The following CMTM8 variants were observed in gnomAD, a reference collection of about 807,000 sequenced individuals.
CMTM8 encodes the protein CKLF like MARVEL transmembrane domain containing 8.
CMTM8 carries 12 observed loss-of-function variants against 18.6 expected under a neutral mutation model. That is an observed-to-expected ratio of 0.65 (90% CI 0.41 to 1.05). The LOEUF is 1.05. Ranked by LOEUF, CMTM8 falls within the 50% of genes least tolerant of loss-of-function variation. The probability of loss-of-function intolerance (pLI) is 0.00; values close to 1 mark genes in which losing one functional copy is unlikely to be tolerated. For synonymous variants in CMTM8, 87 were observed against 90.6 expected (o/e 0.96, Z 0.23); for missense variants, 217 against 227.2 (o/e 0.95, Z 0.29).
Position 32,324,658 on chromosome 3 carries a change from C to T in CMTM8, c.148-32715C>T, listed in dbSNP as rs114325415. On this transcript the variant is annotated intron_variant, in intron 1 of 3. Transcript: ENST00000307526. The stretch of plus-strand genomic sequence containing the variant: ...CAAAGATGGCAGGGCCTTTTGGCAG[C>T]ATCTTACCCAGGAAGGAGCTCAGTG... Among the ~76,000 whole-genome samples, 503 of 152,300 alleles carry T rather than the reference C, an allele frequency of 3.3e-3. 1 individual carries two copies. The highest frequency in any genetic ancestry group is 0.011 in the African/African-American group (473 of 41,558).
chr3:32,304,578 C>G (rs1307236300), intron 1 of CMTM8, among the ~76,000 whole-genome samples: 4 of 152,322 alleles, frequency 2.6e-5, no homozygotes, highest in African/African-American at 9.6e-5. Context: ...TTACTTCTGT[C>G]TCTCCATAGA....
chr3:32,258,557 TG>T (rs1476745051), intron 1 of CMTM8, among the ~76,000 whole-genome samples: 3 of 152,204 alleles, frequency 2.0e-5, no homozygotes, highest in Non-Finnish European at 4.4e-5. Context: ...TCACCCAGGC[TG>T]GAGTGCAGTG....
intron 1 of CMTM8, among the ~76,000 whole-genome samples, chr3:32,254,192 C>G (rs910618014): frequency 6.6e-6 from 1 of 152,182 alleles, no homozygotes; most frequent in African/African-American, 2.4e-5. Flanking sequence ...CTGCACCCGG[C>G]CTTGTCCCTT....
At chr3:32,367,151 C>T (rs1050067642) in intron 2 of CMTM8, among the ~76,000 whole-genome samples, 2 of 152,188 alleles carry the variant, frequency 1.3e-5, no homozygotes, top group African/African-American at 4.8e-5. Context: ...CTGGTTTCAC[C>T]TCACCCCTGC....
chr3:32,358,071 T>A lies in CMTM8; in HGVS notation c.321+525T>A, dbSNP rs1017072973. Among the ~76,000 whole-genome samples, 7 of 152,210 alleles carry A rather than the reference T, an allele frequency of 4.6e-5. No individual in the cohort carries two copies. The highest frequency in any genetic ancestry group is 1.0e-4 in the Non-Finnish European group (7 of 68,034). On this transcript the variant is annotated intron_variant, in intron 2 of 3. Transcript: ENST00000307526. The surrounding 1 kb of genome is among the most constrained non-coding windows in gnomAD (Gnocchi z 4.1). ...GAAAAGGAGAATTGTCAGGAATGAC[T>A]GGATTCTCATCCTGGCTCTGGCACC...
At chr3:32,320,084 C>T (rs996881295) in intron 1 of CMTM8, among the ~76,000 whole-genome samples, 4 of 152,230 alleles carry the variant, frequency 2.6e-5, no homozygotes, top group African/African-American at 9.6e-5. Flanking sequence ...CTGGGCCACT[C>T]CCTCAGCTCC....
At chr3:32,266,145 C>G (rs199876100) in intron 1 of CMTM8, among the ~76,000 whole-genome samples, 4 of 151,904 alleles carry the variant, frequency 2.6e-5, no homozygotes, top group Non-Finnish European at 5.9e-5. Flanking sequence ...GGCAGAGACA[C>G]AACAAAAAAA....
intron 1 of CMTM8, among the ~76,000 whole-genome samples, chr3:32,314,293 G>T (rs1020904538): frequency 6.6e-6 from 1 of 152,132 alleles, no homozygotes; most frequent in African/African-American, 2.4e-5. Context: ...CAGGGCTGCA[G>T]GGGCTGGTTG....
intron 1 of CMTM8, among the ~76,000 whole-genome samples, chr3:32,252,482 C>T (rs1234705681): frequency 2.0e-5 from 3 of 152,130 alleles, no homozygotes; most frequent in Non-Finnish European, 2.9e-5. Flanking sequence ...TTTCTGATGC[C>T]AAATCTTACC....
intron 3 of CMTM8, 59 bp downstream of exon 3, chr3:32,368,047 A>T: frequency 8.3e-7 from 1 of 1,199,912 alleles, no homozygotes; most frequent in Non-Finnish European, 1.2e-6. Flanking sequence ...CTTGCTTGGG[A>T]TTGGGGAAGA....
At chr3:32,311,540 T>C (rs1695819141) in intron 1 of CMTM8, among the ~76,000 whole-genome samples, 1 of 152,220 alleles carries the variant, frequency 6.6e-6, no homozygotes, top group South Asian at 2.1e-4. Context: ...CCCTTGTGAC[T>C]ATATCAGGCT....
chr3:32,301,719 C>G (rs1695622051), intron 1 of CMTM8, among the ~76,000 whole-genome samples: 1 of 148,236 alleles, frequency 6.7e-6, no homozygotes, highest in South Asian at 2.1e-4. Context: ...CAGTTCTTAT[C>G]ATTGATATGA....
chr3:32,288,787 A>G (rs183753523), intron 1 of CMTM8, among the ~76,000 whole-genome samples: 683 of 152,352 alleles, frequency 4.5e-3, no homozygotes, highest in Non-Finnish European at 6.3e-3. Context: ...GGCGTGAGCC[A>G]CTATATCTGG....
Position 32,368,157 on chromosome 3 carries a change from C to T in CMTM8, c.438+169C>T, listed in dbSNP as rs181975446. On this transcript the variant is annotated intron_variant, in intron 3 of 3. Coordinates refer to ENST00000307526, the MANE Select transcript of CMTM8 (RefSeq NM_178868.5). ...CTAAAACTGGCAGGGGGCAGAGGGC[C>T]CTCCTGGCCCGAAGTGGGAAAAGGC... Among the ~76,000 whole-genome samples, 331 of 152,320 alleles carry T rather than the reference C, an allele frequency of 2.2e-3. 3 individuals are homozygous for T. Among genetic ancestry groups the T allele is most frequent in the African/African-American group, 7.5e-3 (311 of 41,576 alleles).
chr3:32,242,092 C>T (rs1701950688), intron 1 of CMTM8, among the ~76,000 whole-genome samples: 1 of 152,172 alleles, frequency 6.6e-6, no homozygotes, highest in Admixed American at 6.5e-5. Flanking sequence ...GGGTTGGATC[C>T]TCTGCTTCCC....
rs3060733 is a variant in CMTM8 at position 32,332,038 on chromosome 3, GCA to G, written c.148-25318_148-25317del. 3.9e-3 allele frequency among the ~76,000 whole-genome samples: 593 copies of G among 150,356 alleles called. 3 individuals carry two copies. Among genetic ancestry groups the G allele is most frequent in the African/African-American group, 0.014 (562 of 41,058 alleles). On this transcript the variant is annotated intron_variant, in intron 1 of 3. Transcript: ENST00000307526. ...ATGTTACGTTCTTTTGACCACACGC[GCA>G]CACACACACACACACAAGTAAGTCA...
intron 1 of CMTM8, among the ~76,000 whole-genome samples, chr3:32,307,297 C>T (rs913248361): frequency 1.3e-5 from 2 of 152,076 alleles, no homozygotes; most frequent in African/African-American, 4.8e-5. Context: ...GCTGAGATCG[C>T]ACCACTGCAC....
chr3:32,255,535 A>G (rs1169807714), intron 1 of CMTM8, among the ~76,000 whole-genome samples: 1 of 152,192 alleles, frequency 6.6e-6, no homozygotes, highest in East Asian at 1.9e-4. Flanking sequence ...TGTGTCACGT[A>G]CTTTCTTGAT....
chr3:32,326,604 C>T (rs1187937767), intron 1 of CMTM8, among the ~76,000 whole-genome samples: 3 of 150,946 alleles, frequency 2.0e-5, no homozygotes, highest in Non-Finnish European at 4.4e-5. Flanking sequence ...GCAACCTCTG[C>T]CTTCCAGGTT....
Sources: gnomAD v4.1 joint callset for allele counts (sites outside exome capture counted in the v4.1 genomes callset) on GRCh38, gnomAD v4.1.1 for gene constraint, Gnocchi (gnomAD v3.1) non-coding constraint, MANE v1.5 for transcripts, NCBI Gene and HGNC (gene_info 2026-07-23, HGNC 2026-07-21) for gene names.